The following SAE1 variants were observed in gnomAD, a reference collection of about 807,000 sequenced individuals.
SAE1 encodes the protein SUMO-activating enzyme subunit 1.
Under a neutral mutation model 40.6 loss-of-function variants are expected in SAE1, and 11 were observed. That is an observed-to-expected ratio of 0.27 (90% CI 0.17 to 0.45). The LOEUF is 0.45. Among genes scored for constraint, SAE1 ranks in the 20% least tolerant of loss-of-function variants. SAE1 has a pLI of 1.00. For synonymous variants in SAE1, 155 were observed against 154.3 expected (o/e 1.00, Z -0.03); for missense variants, 373 against 427.3 (o/e 0.87, Z 1.12).
intron 5 of SAE1, among the ~76,000 whole-genome samples, chr19:47,166,483 A>G (rs1419662220): frequency 6.6e-6 from 1 of 152,062 alleles, no homozygotes; most frequent in African/African-American, 2.4e-5. Context: ...CTTCATTCAT[A>G]CTCTTGCCCC....
At chr19:47,143,383 G>T (rs1046333256) in intron 1 of SAE1, 111 bp from the exon 2 acceptor site, 9 of 770,084 alleles carry the variant, frequency 1.2e-5, no homozygotes, top group Non-Finnish European at 2.0e-5. Context: ...GGGATTACAG[G>T]CATGAGCCAC....
intron 5 of SAE1, among the ~76,000 whole-genome samples, chr19:47,155,469 T>TG (rs1555791393): frequency 3.1e-4 from 47 of 152,154 alleles, no homozygotes; most frequent in African/African-American, 1.1e-3. Context: ...ACTTTTTTTT[T>TG]TGTGTGTGTG....
chr19:47,176,787 C>T (rs1284677961), intron 6 of SAE1, among the ~76,000 whole-genome samples: 2 of 152,210 alleles, frequency 1.3e-5, no homozygotes, highest in Non-Finnish European at 2.9e-5. Flanking sequence ...CTGCATTTTT[C>T]CACTGTCTTG....
chr19:47,190,376 G>A (rs576632994), intron 6 of SAE1, among the ~76,000 whole-genome samples: 3 of 152,154 alleles, frequency 2.0e-5, no homozygotes, highest in East Asian at 1.9e-4. Flanking sequence ...GGGGCGGGGC[G>A]GAAAGCAGAA....
chr19:47,158,227 A>G (rs1242538690), intron 5 of SAE1, among the ~76,000 whole-genome samples: 1 of 152,132 alleles, frequency 6.6e-6, no homozygotes, highest in East Asian at 1.9e-4. Flanking sequence ...GTGCTCCTAA[A>G]TTAGTAACGT....
rs186619542 is a variant in SAE1, at chr19:47,185,495, G to A, written c.734-11738G>A. 5.2e-4 allele frequency among the ~76,000 whole-genome samples: 79 copies of A among 151,986 alleles called. 1 individual carries two copies. The East Asian group carries it at 0.013, about 24-fold the overall frequency. ...AATTTTTTGTATTTTTAGTGGACAC[G>A]AGGTTTCACCGTGTTGGCCAGGCTG... On this transcript the variant is annotated intron_variant, in intron 6 of 8. Transcript: ENST00000270225.
chr19:47,185,020 A>T (rs1373015850), intron 6 of SAE1, among the ~76,000 whole-genome samples: 2 of 151,382 alleles, frequency 1.3e-5, no homozygotes, highest in African/African-American at 2.4e-5. Flanking sequence ...AGGTTTCACC[A>T]TGTTGGCCAG....
chr19:47,182,316 T>C (rs190172898), intron 6 of SAE1, among the ~76,000 whole-genome samples: 5 of 152,248 alleles, frequency 3.3e-5, no homozygotes, highest in Admixed American at 6.5e-5. Flanking sequence ...GGGTTTTTGG[T>C]GTCCAGTAAT....
intron 5 of SAE1, among the ~76,000 whole-genome samples, chr19:47,158,527 G>T (rs1172227108): frequency 1.3e-5 from 2 of 152,194 alleles, no homozygotes; most frequent in Non-Finnish European, 2.9e-5. Flanking sequence ...TTTCCCAGAG[G>T]AAGAGTTGTT....
intron 6 of SAE1, among the ~76,000 whole-genome samples, chr19:47,180,853 G>A (rs1461503534): frequency 6.6e-6 from 1 of 152,112 alleles, no homozygotes; most frequent in African/African-American, 2.4e-5. Context: ...GAATTACATA[G>A]AGAGACATTG....
At chr19:47,198,875 T>C (rs990018139) in intron 7 of SAE1, among the ~76,000 whole-genome samples, 2 of 151,754 alleles carry the variant, frequency 1.3e-5, no homozygotes, top group Admixed American at 1.3e-4. Flanking sequence ...TGCTTTGAGC[T>C]TAGGAGTTTG....
intron 5 of SAE1, among the ~76,000 whole-genome samples, chr19:47,162,368 T>G (rs1285375556): frequency 2.6e-5 from 4 of 152,178 alleles, no homozygotes; most frequent in African/African-American, 9.7e-5. Flanking sequence ...TACCTGGGAG[T>G]AAAATTAAGA....
intron 6 of SAE1, chr19:47,180,343 G>A (rs1568602171): frequency 2.2e-6 from 1 of 450,240 alleles, no homozygotes; most frequent in Non-Finnish European, 4.5e-6. Flanking sequence ...AAGTAAGGAA[G>A]TGCTCTAAGA....
At chr19:47,185,334 G>C (rs1261338435) in intron 6 of SAE1, among the ~76,000 whole-genome samples, 1 of 151,868 alleles carries the variant, frequency 6.6e-6, no homozygotes, top group African/African-American at 2.4e-5. Flanking sequence ...TTGAGACAGA[G>C]TCTTGCTCTG....
intron 5 of SAE1, among the ~76,000 whole-genome samples, chr19:47,165,444 T>C (rs1170597344): frequency 1.3e-5 from 2 of 152,224 alleles, no homozygotes; most frequent in East Asian, 3.9e-4. Context: ...CAGAAATGTA[T>C]GTGAAGGATG....
chr19:47,194,463 C>T (rs951474091), intron 6 of SAE1, among the ~76,000 whole-genome samples: 1 of 152,108 alleles, frequency 6.6e-6, no homozygotes, highest in Non-Finnish European at 1.5e-5. Context: ...TCAACATATA[C>T]GGAAGAGATA....
chr19:47,142,492 T>A (rs2058228341), intron 1 of SAE1: 1 of 147,510 alleles, frequency 6.8e-6, no homozygotes, highest in Admixed American at 7.0e-5. Context: ...TCTCAGCACC[T>A]CTTCTGCTGT....
chr19:47,140,695 C>T (rs973424553), intron 1 of SAE1, among the ~76,000 whole-genome samples: 9 of 151,854 alleles, frequency 5.9e-5, no homozygotes, highest in East Asian at 5.8e-4. Context: ...CTCAATAGGC[C>T]GAGGTGGCGG....
intron 1 of SAE1, among the ~76,000 whole-genome samples, chr19:47,132,940 G>A (rs1382379298): frequency 6.6e-6 from 1 of 151,620 alleles, no homozygotes; most frequent in South Asian, 2.1e-4. Context: ...AGTTATTAAA[G>A]GATGGTGAAG....
Sources: allele counts gnomAD v4.1 joint callset (sites outside exome capture counted in the v4.1 genomes callset), GRCh38; gene constraint gnomAD v4.1.1; transcripts MANE v1.5; gene names NCBI Gene and HGNC (gene_info 2026-07-23, HGNC 2026-07-21).